Variants in SPEN observed in about 807,000 individuals in gnomAD.
The protein encoded by SPEN is msx2-interacting protein.
In SPEN, 18 loss-of-function variants were observed where a neutral mutation model predicts 269.9. That is an observed-to-expected ratio of 0.07 (90% confidence interval 0.05 to 0.10). The LOEUF (loss-of-function observed/expected upper bound fraction) is 0.10. Ranked by LOEUF, SPEN falls within the 10% of genes least tolerant of loss-of-function variation. The pLI, the probability that SPEN is intolerant of heterozygous loss-of-function variation, is 1.00. For missense variants in SPEN, 3,822 were observed against 4,631.2 expected, an observed-to-expected ratio of 0.83 and a Z score of 5.07; for synonymous variants, 1,726 against 1,765.7, an observed-to-expected ratio of 0.98 and a Z score of 0.56.
chr1:15,920,566 GA>G (rs1275295275), intron 8 of SPEN, among the ~76,000 whole-genome samples: 4 of 152,140 alleles, frequency 2.6e-5, no homozygotes, highest in Non-Finnish European at 5.9e-5. Flanking sequence ...GCCAAAACAA[GA>G]CGAATACTTT....
intron 3 of SPEN, among the ~76,000 whole-genome samples, chr1:15,900,389 A>G (rs780058701): frequency 1.3e-5 from 2 of 152,180 alleles, no homozygotes; most frequent in Non-Finnish European, 2.9e-5. Flanking sequence ...TAAACCTTAC[A>G]CTAGAGTATG....
rs772596987 is a variant in SPEN at position 15,937,859 on chromosome 1, A to G, written c.10557A>G (p.Thr3519=). 4.3e-6 allele frequency: 7 copies of G among 1,614,146 alleles called. No homozygotes were observed. Among genetic ancestry groups the G allele is most frequent in the Non-Finnish European group, 5.9e-6 (7 of 1,180,032 alleles). The change falls in exon 13 of 15, where the codon ACA becomes ACG. Residue 3519 remains threonine, a synonymous_variant. Coordinates refer to ENST00000375759, the MANE Select transcript of SPEN (RefSeq NM_015001.3). This position sits in a 1 kb window ranked among gnomAD's most constrained non-coding sequence, Gnocchi z 5.7. ...GCCTGCTGGCCCTCAAGAATGACACAGCTGCTGTGCAGCTCCACTTCGTCT... is the reference window on the plus strand; with the variant it reads ...GCCTGCTGGCCCTCAAGAATGACACGGCTGCTGTGCAGCTCCACTTCGTCT... ...WQGLLALKND[T]AAVQLHFVSG...
intron 10 of SPEN, among the ~76,000 whole-genome samples, chr1:15,925,355 C>T (rs942870167): frequency 1.1e-4 from 17 of 152,128 alleles, no homozygotes; most frequent in African/African-American, 3.9e-4. Context: ...GAGTTCTCTC[C>T]GAACCTGACT....
rs1437811812 is a variant in SPEN, at chr1:15,928,989, C to A, written c.2749C>A (p.Leu917Ile). The part of the protein sequence containing the change: ...TVKSSALDQK[L>I]QVSQTEPAKS... ...CAAATCTTCTGCCCTGGACCAGAAACTTCAGGTCTCTCAGACGGAGCCTGC... is the reference window on the plus strand; with the variant it reads ...CAAATCTTCTGCCCTGGACCAGAAAATTCAGGTCTCTCAGACGGAGCCTGC... Residue 917 changes from leucine (L) to isoleucine (I), a missense_variant, in exon 11 of 15, where the codon CTT (leucine) becomes ATT (isoleucine). Leu to Ile is a conservative substitution (Grantham distance 5). Transcript: ENST00000375759. This position sits in a 1 kb window ranked among gnomAD's most constrained non-coding sequence, Gnocchi z 5.7. The A allele has an allele frequency of 6.2e-7, 1 of 1,614,206 alleles. No homozygotes were observed. Among genetic ancestry groups the A allele is most frequent in the Admixed American group, 1.7e-5 (1 of 60,024 alleles).
At chr1:15,909,847 C>T (rs574236914) in intron 4 of SPEN, among the ~76,000 whole-genome samples, 1 of 152,112 alleles carries the variant, frequency 6.6e-6, no homozygotes, top group African/African-American at 2.4e-5. Context: ...AAATAGGGGC[C>T]AGGCGCGGTG....
chr1:15,933,799 C>G lies in SPEN; in HGVS notation c.7559C>G (p.Pro2520Arg). 1 of 1,613,516 alleles carries G rather than the reference C, an allele frequency of 6.2e-7. No individual in the cohort carries two copies. Residue 2520 changes from proline to arginine, a missense_variant, in exon 11 of 15, where the codon CCA (proline) becomes CGA (arginine). Pro to Arg is a moderately radical substitution (Grantham distance 103). This residue lies in a region of SPEN where 727 missense variants were observed against 737.9 expected (regional missense o/e 0.99). Coordinates refer to ENST00000375759, the MANE Select transcript of SPEN (RefSeq NM_015001.3). The surrounding 1 kb of genome is among the most constrained non-coding windows in gnomAD (Gnocchi z 5.7). ...TCTACTCCATCTCCAGCTCTTCCCC[C>G]AGACACAAAGGCCTCTGATGTTGAC... ...AQSTPSPALP[P>R]DTKASDVDTS... is the part of the protein sequence containing the mutation.
rs375268287 is a variant in SPEN, at chr1:15,935,156, C to G, written c.8916C>G (p.Val2972=). 1 of 1,614,070 alleles carries G rather than the reference C, an allele frequency of 6.2e-7. No homozygotes were observed. The highest frequency in any genetic ancestry group is 1.7e-5 in the Admixed American group (1 of 60,010). The change falls in exon 11 of 15, where the codon GTC becomes GTG. Residue 2972 remains valine, a synonymous_variant. Coordinates refer to ENST00000375759, the MANE Select transcript of SPEN (RefSeq NM_015001.3). The surrounding 1 kb of genome is among the most constrained non-coding windows in gnomAD (Gnocchi z 7.7). The part of the protein sequence containing the change: ...DPVTLKIETK[V]LQPANLGSTL... ...TCACCCTTAAAATCGAGACCAAGGT[C>G]CTTCAGCCGGCCAACCTGGGGTCCA...
At chr1:15,886,537 C>T (rs998436278) in intron 3 of SPEN, among the ~76,000 whole-genome samples, 2 of 152,114 alleles carry the variant, frequency 1.3e-5, no homozygotes, top group African/African-American at 4.8e-5. Context: ...AGGGGCAGGA[C>T]GGCTGTGCCT....
At chr1:15,936,412 G>A (rs879265660) in intron 11 of SPEN, 146 bp downstream of exon 11, 261 of 1,278,948 alleles carry the variant, frequency 2.0e-4, no homozygotes, top group Non-Finnish European at 2.5e-4. Context: ...AGGCCCAGAT[G>A]GGAGGACTGC....
intron 3 of SPEN, among the ~76,000 whole-genome samples, chr1:15,884,044 T>G (rs1158017029): frequency 6.6e-6 from 1 of 152,126 alleles, no homozygotes. Context: ...TCTCCTGACC[T>G]TGTGATCTGC....
At chr1:15,908,860 G>T (rs951199225) in intron 3 of SPEN, among the ~76,000 whole-genome samples, 1 of 152,128 alleles carries the variant, frequency 6.6e-6, no homozygotes, top group Non-Finnish European at 1.5e-5. Context: ...ATAGTCCTGT[G>T]TTCCATGTGG....
intron 3 of SPEN, among the ~76,000 whole-genome samples, chr1:15,886,516 C>CA (rs1011937516): frequency 5.1e-4 from 77 of 152,118 alleles, no homozygotes; most frequent in African/African-American, 1.8e-3. Context: ...GTGACTGGGC[C>CA]AGGCGGTGGG....
intron 5 of SPEN, among the ~76,000 whole-genome samples, chr1:15,915,906 AT>A (rs58631232): frequency 0.11 from 16,146 of 151,576 alleles, 1,235 homozygotes; most frequent in Admixed American, 0.23. Context: ...TTTAGCCTTA[AT>A]TTTTTTTTGA....
rs755903708 is a variant in SPEN at position 15,861,235 on chromosome 1, G to A, written c.84-11581G>A. On this transcript the variant is annotated intron_variant, in intron 1 of 14. Coordinates refer to ENST00000375759, the MANE Select transcript of SPEN (RefSeq NM_015001.3). The stretch of plus-strand genomic sequence containing the variant: ...TGCATTCCACCTCCCGGGTTCAAGC[G>A]ATTCTCCCGCCTCAGCCTCCCAAGT... 4.0e-5 allele frequency among the ~76,000 whole-genome samples: 6 copies of A among 150,872 alleles called. No homozygotes were observed. In the East Asian group the frequency reaches 5.9e-4, roughly 15 times the overall value.
intron 1 of SPEN, among the ~76,000 whole-genome samples, chr1:15,860,442 A>AGTGTGTGTGTGTGT (rs71574142): frequency 1.2e-4 from 14 of 120,092 alleles, no homozygotes; most frequent in South Asian, 6.0e-4. Flanking sequence ...GTCCCACTGT[A>AGTGTGTGTGTGTGT]GTGTGTGTGT....
chr1:15,921,235 C>T (rs899106164), intron 9 of SPEN, among the ~76,000 whole-genome samples: 1 of 152,180 alleles, frequency 6.6e-6, no homozygotes, highest in African/African-American at 2.4e-5. Context: ...GAGGCTGAGG[C>T]AGGAGAATTG....
At chr1:15,914,675 T>G (rs2071040531) in intron 5 of SPEN, among the ~76,000 whole-genome samples, 1 of 151,894 alleles carries the variant, frequency 6.6e-6, no homozygotes, top group South Asian at 2.1e-4. Context: ...ATACAAAAAT[T>G]TGGCCAGGCA....
intron 3 of SPEN, among the ~76,000 whole-genome samples, chr1:15,877,108 T>C (rs1421255028): frequency 1.3e-5 from 2 of 152,232 alleles, no homozygotes; most frequent in African/African-American, 4.8e-5. Flanking sequence ...GTTGACACAT[T>C]TATTATCAAT....
In SPEN at chr1:15,914,248, A is replaced by ACT. The variant is rs1240088085; in HGVS notation, c.1244-1879_1244-1878dup. 4.6e-5 allele frequency among the ~76,000 whole-genome samples: 7 copies of ACT among 152,168 alleles called. No individual in the cohort carries two copies. In the South Asian group the frequency reaches 6.2e-4, roughly 13 times the overall value. ...GGACTCAGAAGTGAGATGTATTCTG[A>ACT]CTTAACTCAAGGTCCCTGAAATTGA... On this transcript the variant is annotated intron_variant, in intron 5 of 14. Coordinates refer to ENST00000375759, the MANE Select transcript of SPEN (RefSeq NM_015001.3).
Sources: allele counts gnomAD v4.1 joint callset (sites outside exome capture counted in the v4.1 genomes callset), GRCh38; gene constraint gnomAD v4.1.1; regional missense constraint gnomAD v4.1.1; non-coding constraint Gnocchi (gnomAD v3.1); transcripts MANE v1.5; gene names NCBI Gene and HGNC (gene_info 2026-07-23, HGNC 2026-07-21).